Variants in ZNF431 observed in about 807,000 individuals in gnomAD.
The protein encoded by ZNF431 is zinc finger protein 431.
In ZNF431, 34 loss-of-function variants were observed where a neutral mutation model predicts 57.0. That is an observed-to-expected ratio of 0.60 (90% CI 0.45 to 0.79). The LOEUF (loss-of-function observed/expected upper bound fraction) is 0.79, where lower values mean the gene tolerates loss of function less well. Ranked by LOEUF, ZNF431 falls within the 30% of genes least tolerant of loss-of-function variation. The probability of loss-of-function intolerance (pLI) is 0.00; values close to 1 mark genes in which losing one functional copy is unlikely to be tolerated. For synonymous variants in ZNF431, 207 were observed against 220.3 expected (o/e 0.94, Z 0.54); for missense variants, 607 against 667.1 (o/e 0.91, Z 0.99).
chr19:21,182,811 A>G lies in ZNF431; in HGVS notation c.508A>G (p.Thr170Ala), dbSNP rs549003123. 4 of 1,614,068 alleles carry G rather than the reference A, an allele frequency of 2.5e-6. No individual in the cohort carries two copies. Among genetic ancestry groups the G allele is most frequent in the Non-Finnish European group, 3.4e-6 (4 of 1,179,938 alleles). Reference sequence around the variant, plus strand: ...TAATGAGCTAAACCAGTGTTTGACAACTACCCAGAGCAAAATATTTCCATG... The same window carrying G: ...TAATGAGCTAAACCAGTGTTTGACAGCTACCCAGAGCAAAATATTTCCATG... The part of the protein sequence containing the change: ...GYNELNQCLT[T>A]TQSKIFPCDK... Residue 170 changes from threonine (T) to alanine (A), a missense_variant, in exon 5 of 5, where the codon ACT becomes GCT. Coordinates refer to ENST00000311048, the MANE Select transcript of ZNF431 (RefSeq NM_133473.4).
At chr19:21,167,728 A>G in intron 4 of ZNF431, 62 bp downstream of exon 4, 2 of 1,162,684 alleles carry the variant, frequency 1.7e-6, no homozygotes, top group Admixed American at 2.4e-5. Context: ...AAAAAAAAAA[A>G]ATGTGCCAGT....
At position 21,180,032 on chromosome 19, in the gene ZNF431, C is replaced by T. The variant is rs550291040; in HGVS notation, c.320-2591C>T. Among the ~76,000 whole-genome samples, 12 of 151,902 alleles carry T rather than the reference C, an allele frequency of 7.9e-5. 1 individual carries two copies. The South Asian group carries it at 2.5e-3, about 32-fold the overall frequency. ...TTTTGAGTAGCTGGGATTACAGGCGCCCACCACCACACCCAGCTAATTTTT... is the reference window on the plus strand; with the variant it reads ...TTTTGAGTAGCTGGGATTACAGGCGTCCACCACCACACCCAGCTAATTTTT... On this transcript the variant is annotated intron_variant, in intron 4 of 4. Coordinates refer to ENST00000311048, the MANE Select transcript of ZNF431 (RefSeq NM_133473.4).
chr19:21,175,819 C>G (rs943751965), intron 4 of ZNF431, among the ~76,000 whole-genome samples: 1 of 152,172 alleles, frequency 6.6e-6, no homozygotes, highest in Non-Finnish European at 1.5e-5. Context: ...TTTATCCAGT[C>G]TGTCATAGAT....
At chr19:21,154,937 T>G (rs1026341449) in intron 2 of ZNF431, among the ~76,000 whole-genome samples, 1 of 152,170 alleles carries the variant, frequency 6.6e-6, no homozygotes, top group African/African-American at 2.4e-5. Flanking sequence ...GTCAGATGAG[T>G]AGATTGCAAA....
intron 4 of ZNF431, among the ~76,000 whole-genome samples, chr19:21,181,489 G>A (rs1460080587): frequency 1.3e-5 from 2 of 151,914 alleles, no homozygotes; most frequent in African/African-American, 4.8e-5. Flanking sequence ...ATGACATGTC[G>A]TTTTTATCTT....
chr19:21,157,055 A>G (rs980396936), intron 2 of ZNF431, among the ~76,000 whole-genome samples: 12 of 151,964 alleles, frequency 7.9e-5, no homozygotes, highest in Non-Finnish European at 1.5e-4. Flanking sequence ...TGAGATTACA[A>G]GTGTGAACCA....
chr19:21,179,177 G>A (rs1310543477), intron 4 of ZNF431, among the ~76,000 whole-genome samples: 1 of 152,120 alleles, frequency 6.6e-6, no homozygotes, highest in Non-Finnish European at 1.5e-5. Flanking sequence ...AGTATTTTCC[G>A]AACATTGTTT....
rs1971312703 is a variant in ZNF431 at position 21,184,480 on chromosome 19, A to T, written c.*446A>T. The T allele has an allele frequency of 6.4e-6, 1 of 155,254 alleles. No homozygotes were observed. Among genetic ancestry groups the T allele is most frequent in the Non-Finnish European group, 1.4e-5 (1 of 69,252 alleles). The allele number at this position is 155,254 out of a possible 1,614,324, so 9.6% of individuals were successfully genotyped here. On this transcript the variant is annotated 3_prime_UTR_variant, in exon 5 of 5. Coordinates refer to ENST00000311048, the MANE Select transcript of ZNF431 (RefSeq NM_133473.4). ...AAACTCTACAAATCAGAAAGATGTG[A>T]CTACTTTTGACAACGCCTCAAACTT...
chr19:21,180,840 G>C (rs886822765), intron 4 of ZNF431, among the ~76,000 whole-genome samples: 3 of 151,766 alleles, frequency 2.0e-5, no homozygotes, highest in African/African-American at 7.3e-5. Flanking sequence ...CCAGCTACTC[G>C]GGAGGCTGAG....
intron 2 of ZNF431, among the ~76,000 whole-genome samples, chr19:21,145,237 A>C (rs1387699914): frequency 6.6e-6 from 1 of 152,190 alleles, no homozygotes; most frequent in Admixed American, 6.5e-5. Flanking sequence ...GCACTTTGGG[A>C]GGCCAAGGTG....
At position 21,174,265 on chromosome 19, in the gene ZNF431, T is replaced by A. The variant is rs1599609130; in HGVS notation, c.319+6599T>A. On this transcript the variant is annotated intron_variant, in intron 4 of 4. Transcript: ENST00000311048. The stretch of plus-strand genomic sequence containing the variant: ...TCTATATGCAAAATAGTTAATACAG[T>A]CTATAATGCCTGTTTTCTGTTTTCT... Among the ~76,000 whole-genome samples the A allele has an allele frequency of 1.3e-5, 2 of 152,304 alleles. 1 individual carries two copies. Among genetic ancestry groups the A allele is most frequent in the Non-Finnish European group, 2.9e-5 (2 of 68,010 alleles).
Position 21,183,082 on chromosome 19 carries a change from T to G in ZNF431, c.779T>G (p.Phe260Cys). ...AGAATTCATACTGGAGAGAAACCCT[T>G]CAAATGTGAAGAATGTGGCAAAGCT... ...HKRIHTGEKP[F>C]KCEECGKAFK... The change falls in exon 5 of 5, where the codon TTC becomes TGC. Residue 260 changes from phenylalanine to cysteine, a missense_variant. Coordinates refer to ENST00000311048, the MANE Select transcript of ZNF431 (RefSeq NM_133473.4). 1 of 1,606,936 alleles carries G rather than the reference T, an allele frequency of 6.2e-7. No individual in the cohort carries two copies.
chr19:21,163,517 C>T (rs928408187), intron 2 of ZNF431, among the ~76,000 whole-genome samples: 2 of 152,126 alleles, frequency 1.3e-5, no homozygotes, highest in African/African-American at 4.8e-5. Context: ...GACCAAAATT[C>T]CCAAGTAATG....
chr19:21,154,036 T>A (rs879511737), intron 2 of ZNF431, among the ~76,000 whole-genome samples: 7 of 152,268 alleles, frequency 4.6e-5, no homozygotes, highest in Non-Finnish European at 2.9e-5. Flanking sequence ...ATTTTTTTTT[T>A]ATTATACTTT....
At position 21,183,386 on chromosome 19, in the gene ZNF431, A is replaced by G. The variant is rs774488447; in HGVS notation, c.1083A>G (p.Lys361=). Residue 361 remains lysine (K), a synonymous_variant, in exon 5 of 5, where the codon AAA becomes AAG. Coordinates refer to ENST00000311048, the MANE Select transcript of ZNF431 (RefSeq NM_133473.4). ...KAFNRFSYLT[K]HKIIHTGEKS... is the part of the protein sequence containing the mutation. The stretch of plus-strand genomic sequence containing the variant: ...TTAATCGATTCTCATACCTTACTAA[A>G]CATAAGATAATTCATACTGGAGAAA... The G allele has an allele frequency of 2.5e-6, 4 of 1,613,718 alleles. No individual in the cohort carries two copies. The highest frequency in any genetic ancestry group is 3.3e-4 in the Middle Eastern group (2 of 6,060).
chr19:21,181,013 G>T (rs1971196354), intron 4 of ZNF431, among the ~76,000 whole-genome samples: 1 of 149,186 alleles, frequency 6.7e-6, no homozygotes, highest in South Asian at 2.1e-4. Flanking sequence ...CTTCAAATTT[G>T]TCATTGATGT....
intron 2 of ZNF431, among the ~76,000 whole-genome samples, chr19:21,152,076 A>G (rs984885209): frequency 6.6e-6 from 1 of 152,218 alleles, no homozygotes; most frequent in Non-Finnish European, 1.5e-5. Context: ...ATATGTGACA[A>G]CATAGACCTT....
At position 21,142,106 on chromosome 19, in the gene ZNF431, C is replaced by G; in HGVS notation, c.-78C>G. The G allele has an allele frequency of 6.3e-7, 1 of 1,593,850 alleles. No individual in the cohort carries two copies. The highest frequency in any genetic ancestry group is 1.1e-5 in the South Asian group (1 of 90,286). On this transcript the variant is annotated 5_prime_UTR_variant, in exon 1 of 5. Coordinates refer to ENST00000311048, the MANE Select transcript of ZNF431 (RefSeq NM_133473.4). ...CTCTGTGTCCTCTGCTCCTAGAGGC[C>G]CAACATCTGTGGCCCTGTGACCTGC...
Position 21,142,295 on chromosome 19 carries a change from CGCCCCGAGTTCTCCTT to C in ZNF431, c.3+114_3+129del, listed in dbSNP as rs1040087120. The C allele has an allele frequency of 3.4e-6, 5 of 1,483,636 alleles. No individual in the cohort carries two copies. The African/African-American group carries it at 6.9e-5, about 20-fold the overall frequency. 91.9% of individuals were successfully genotyped at this position (1,483,636 alleles called of 1,614,324 possible). On this transcript the variant is annotated intron_variant, in intron 1 of 4. Coordinates refer to ENST00000311048, the MANE Select transcript of ZNF431 (RefSeq NM_133473.4). The stretch of plus-strand genomic sequence containing the variant: ...TCCCCGCAGTCAGCTCCACAGTCTG[CGCCCCGAGTTCTCCTT>C]GCCCAGCTCGGCCTCAGTCCCCTCC...
Sources: allele counts gnomAD v4.1 joint callset (sites outside exome capture counted in the v4.1 genomes callset), GRCh38; gene constraint gnomAD v4.1.1; transcripts MANE v1.5; gene names NCBI Gene and HGNC (gene_info 2026-07-23, HGNC 2026-07-21).